Variants in KLHL6 observed in about 807,000 individuals in gnomAD.
KLHL6 encodes kelch-like protein 6.
In KLHL6, 41 loss-of-function variants were observed where a neutral mutation model predicts 58.6. The ratio of observed to expected loss-of-function variants is 0.70; its 90% confidence interval spans 0.55 to 0.91. The LOEUF (loss-of-function observed/expected upper bound fraction) is 0.91. KLHL6 is among the 40% of genes least tolerant of loss of function. KLHL6 has a pLI of 0.00. For synonymous variants in KLHL6, 338 were observed against 322.7 expected (o/e 1.05, Z -0.51); for missense variants, 714 against 805.6 (o/e 0.89, Z 1.38).
At chr3:183,529,639 G>A (rs1290311573) in intron 1 of KLHL6, among the ~76,000 whole-genome samples, 1 of 152,040 alleles carries the variant, frequency 6.6e-6, no homozygotes, top group African/African-American at 2.4e-5. Flanking sequence ...AGACCAGTCT[G>A]GCCAACATGG....
intron 1 of KLHL6, among the ~76,000 whole-genome samples, chr3:183,551,046 A>G (rs760828115): frequency 1.1e-4 from 17 of 151,160 alleles, no homozygotes; most frequent in African/African-American, 3.9e-4. Flanking sequence ...GCATGAACCC[A>G]GGAGGCGGAG....
intron 1 of KLHL6, among the ~76,000 whole-genome samples, chr3:183,533,006 C>T (rs1201646316): frequency 2.0e-5 from 3 of 152,164 alleles, no homozygotes; most frequent in African/African-American, 7.2e-5. Flanking sequence ...AGGCAGTAGC[C>T]ACACCGCTAG....
At chr3:183,504,338 C>T (rs1364568322) in intron 3 of KLHL6, among the ~76,000 whole-genome samples, 1 of 152,174 alleles carries the variant, frequency 6.6e-6, no homozygotes, top group Non-Finnish European at 1.5e-5. Flanking sequence ...TAAGTAACTG[C>T]CTGAGATTAC....
At chr3:183,529,061 A>G (rs911722348) in intron 1 of KLHL6, among the ~76,000 whole-genome samples, 44 of 152,324 alleles carry the variant, frequency 2.9e-4, no homozygotes, top group African/African-American at 1.0e-3. Flanking sequence ...AAAACCAAAT[A>G]TCTCATGTTC....
rs555311086 is a variant in KLHL6, at chr3:183,529,146, G to A, written c.294-1136C>T. ...GGAACAACACACACTGAGGCCTACC[G>A]GAGGGTAGAGGGTGGGAAGAGGGAG... On this transcript the variant is annotated intron_variant, in intron 1 of 6. Coordinates refer to ENST00000341319, the MANE Select transcript of KLHL6 (RefSeq NM_130446.4). Among the ~76,000 whole-genome samples, 7 of 152,284 alleles carry A rather than the reference G, an allele frequency of 4.6e-5. No homozygotes were observed. The East Asian group carries it at 7.7e-4, about 17-fold the overall frequency.
In KLHL6 at chr3:183,499,972, A is replaced by G; in HGVS notation, c.910-145T>C. ...CACCTCCCTGAGCCTCAGTTTCATC[A>G]TCTGTATAATCGGGATAGCAGAGGT... On this transcript the variant is annotated intron_variant, in intron 3 of 6. Transcript: ENST00000341319. This position sits in a 1 kb window ranked among gnomAD's most constrained non-coding sequence, Gnocchi z 4.6. The G allele has an allele frequency of 6.8e-6, 4 of 591,310 alleles. No individual in the cohort carries two copies. The highest frequency in any genetic ancestry group is 1.2e-5 in the Non-Finnish European group (4 of 342,452). The allele number at this position is 591,310 out of a possible 1,614,324, so 36.6% of individuals were successfully genotyped here.
At chr3:183,546,198 T>C (rs571087377) in intron 1 of KLHL6, among the ~76,000 whole-genome samples, 1 of 152,362 alleles carries the variant, frequency 6.6e-6, no homozygotes, top group South Asian at 2.1e-4. Context: ...AATTACCTTC[T>C]TGCATATTTG....
intron 1 of KLHL6, chr3:183,544,723 T>C (rs1194520136): frequency 6.6e-6 from 1 of 150,536 alleles, no homozygotes; most frequent in Admixed American, 6.8e-5. Flanking sequence ...CGCCTTTCTA[T>C]CTTCTGTCTC....
intron 4 of KLHL6, among the ~76,000 whole-genome samples, chr3:183,498,067 G>T (rs1717765004): frequency 6.6e-6 from 1 of 151,820 alleles, no homozygotes; most frequent in African/African-American, 2.4e-5. Context: ...AACCCCATCT[G>T]CACTAAAAAT....
rs1436520300 is a variant in KLHL6 at position 183,487,963 on chromosome 3, G to A, written c.*3964C>T. 1 of 152,152 alleles carries A rather than the reference G, an allele frequency of 6.6e-6. No homozygotes were observed. The highest frequency in any genetic ancestry group is 1.5e-5 in the Non-Finnish European group (1 of 68,022). 9.4% of individuals were successfully genotyped at this position (152,152 alleles called of 1,614,324 possible). A position where few individuals can be genotyped will look rare whatever the true frequency, so the allele number is the denominator to read the frequency against. On this transcript the variant is annotated 3_prime_UTR_variant, in exon 7 of 7. Coordinates refer to ENST00000341319, the MANE Select transcript of KLHL6 (RefSeq NM_130446.4). ...CAGGATAAGCAAATAACTCACAACAGTACCTCATAGTCTTCTATAAATAGC... is the reference window on the plus strand; with the variant it reads ...CAGGATAAGCAAATAACTCACAACAATACCTCATAGTCTTCTATAAATAGC...
At chr3:183,541,822 A>G (rs1712564088) in intron 1 of KLHL6, among the ~76,000 whole-genome samples, 2 of 152,224 alleles carry the variant, frequency 1.3e-5, no homozygotes, top group African/African-American at 4.8e-5. Flanking sequence ...AAGAATTGCA[A>G]GTCCAGAACT....
chr3:183,512,061 T>G (rs1336700219), intron 2 of KLHL6, among the ~76,000 whole-genome samples: 1 of 152,214 alleles, frequency 6.6e-6, no homozygotes, highest in Non-Finnish European at 1.5e-5. Context: ...ACCTGTTTAG[T>G]CGTTGGCAGA....
chr3:183,491,926 G>T lies in KLHL6; in HGVS notation c.*1C>A. The stretch of plus-strand genomic sequence containing the variant: ...GGGCTCTCCAGCTCCCCATCCTGCC[G>T]TCAGACAGACACTGCTCCGGGCACG... On this transcript the variant is annotated 3_prime_UTR_variant, in exon 7 of 7. Transcript: ENST00000341319. 6.8e-7 allele frequency: 1 copy of T among 1,473,840 alleles called. No homozygotes were observed. Among genetic ancestry groups the T allele is most frequent in the Middle Eastern group, 1.9e-4 (1 of 5,284 alleles). 91.3% of individuals were successfully genotyped at this position (1,473,840 alleles called of 1,614,324 possible). A position where few individuals can be genotyped will look rare whatever the true frequency, so the allele number is the denominator to read the frequency against.
At chr3:183,527,766 C>G (rs1712024294) in intron 2 of KLHL6, 79 bp downstream of exon 2, 17 of 1,314,070 alleles carry the variant, frequency 1.3e-5, no homozygotes, top group Non-Finnish European at 1.8e-5. Context: ...GGCCTGGGAG[C>G]TAGACCAGGT....
At chr3:183,546,122 C>T (rs1337744757) in intron 1 of KLHL6, among the ~76,000 whole-genome samples, 1 of 152,220 alleles carries the variant, frequency 6.6e-6, no homozygotes, top group Non-Finnish European at 1.5e-5. Flanking sequence ...TCATGCCACA[C>T]ATCCCTACAA....
Position 183,503,167 on chromosome 3 carries a change from A to G in KLHL6, c.910-3340T>C, listed in dbSNP as rs59291031. Among the ~76,000 whole-genome samples the G allele has an allele frequency of 5.1e-3, 777 of 152,346 alleles. 10 individuals carry two copies. Among genetic ancestry groups the G allele is most frequent in the African/African-American group, 0.017 (721 of 41,568 alleles). On this transcript the variant is annotated intron_variant, in intron 3 of 6. Coordinates refer to ENST00000341319, the MANE Select transcript of KLHL6 (RefSeq NM_130446.4). Reference sequence around the variant, plus strand: ...AAACAGAGCAGATAATTGCACCTTAATGACTGCTCACTGTCCACAGATCTT... The same window carrying G: ...AAACAGAGCAGATAATTGCACCTTAGTGACTGCTCACTGTCCACAGATCTT...
intron 2 of KLHL6, among the ~76,000 whole-genome samples, chr3:183,525,149 A>T (rs1711908657): frequency 6.6e-6 from 1 of 152,128 alleles, no homozygotes; most frequent in Non-Finnish European, 1.5e-5. Context: ...CTGTAATCCC[A>T]GCTACTCGGG....
chr3:183,492,972 G>A lies in KLHL6; in HGVS notation c.1351-265C>T. 1 of 471,002 alleles carries A rather than the reference G, an allele frequency of 2.1e-6. No homozygotes were observed. Among genetic ancestry groups the A allele is most frequent in the Non-Finnish European group, 3.9e-6 (1 of 255,786 alleles). The allele number at this position is 471,002 out of a possible 1,614,324, so 29.2% of individuals were successfully genotyped here. A position where few individuals can be genotyped will look rare whatever the true frequency, so the allele number is the denominator to read the frequency against. ...CTCCCGGAATCCAGCTCTCAGGCAA[G>A]AATAAGTTTATACAGATGAAGTCAG... On this transcript the variant is annotated intron_variant, in intron 5 of 6. Coordinates refer to ENST00000341319, the MANE Select transcript of KLHL6 (RefSeq NM_130446.4). This position sits in a 1 kb window ranked among gnomAD's most constrained non-coding sequence, Gnocchi z 5.9.
At chr3:183,509,766 A>G (rs1402963216) in intron 2 of KLHL6, among the ~76,000 whole-genome samples, 1 of 152,212 alleles carries the variant, frequency 6.6e-6, no homozygotes, top group African/African-American at 2.4e-5. Context: ...AGTAAGTCAC[A>G]TGGCAAAATT....
Sources: allele counts gnomAD v4.1 joint callset (sites outside exome capture counted in the v4.1 genomes callset), GRCh38; gene constraint gnomAD v4.1.1; non-coding constraint Gnocchi (gnomAD v3.1); transcripts MANE v1.5; gene names NCBI Gene and HGNC (gene_info 2026-07-23, HGNC 2026-07-21).